Variants in ZBTB20 observed in about 807,000 individuals in gnomAD.
The protein encoded by ZBTB20 is zinc finger and BTB domain containing 20.
In ZBTB20, 9 loss-of-function variants were observed where a neutral mutation model predicts 56.9. The ratio of observed to expected loss-of-function variants is 0.16; its 90% CI spans 0.10 to 0.28. The LOEUF (loss-of-function observed/expected upper bound fraction) is 0.28. ZBTB20 is among the 10% of genes least tolerant of loss of function. ZBTB20 has a pLI of 1.00. For missense variants in ZBTB20, 655 were observed against 1,003.0 expected (o/e 0.65, Z 4.69); for synonymous variants, 417 against 420.7 (o/e 0.99, Z 0.11).
rs71146342 is a variant in ZBTB20, at chr3:114,844,520, CAAAAAAAAAAAAAAAAA to C, written c.-416-43363_-416-43347del. ...TGGTTGACAGAGCAAGTCCCTGTCTCAAAAAAAAAAAAAAAAAAAAAAAAAAAAAAAACTTTCATTTC... is the reference window on the plus strand; with the variant it reads ...TGGTTGACAGAGCAAGTCCCTGTCTCAAAAAAAAAAAAAAACTTTCATTTC... On this transcript the variant is annotated intron_variant, in intron 4 of 11. Transcript: ENST00000675478. 3.2e-3 allele frequency among the ~76,000 whole-genome samples: 73 copies of C among 22,810 alleles called. 5 individuals carry two copies. In the South Asian group the frequency reaches 0.057, roughly 18 times the overall value. 15.0% of individuals were successfully genotyped at this position (22,810 alleles called of 152,430 possible).
intron 4 of ZBTB20, among the ~76,000 whole-genome samples, chr3:114,850,003 T>G (rs532895440): frequency 7.4e-5 from 11 of 149,458 alleles, no homozygotes; most frequent in Non-Finnish European, 1.2e-4. Context: ...GGATTCAAGC[T>G]GTTTTCCTGC....
chr3:114,611,229 C>T (rs1028601744), intron 6 of ZBTB20, among the ~76,000 whole-genome samples: 4 of 152,126 alleles, frequency 2.6e-5, no homozygotes, highest in Non-Finnish European at 4.4e-5. Flanking sequence ...AAGAAGAGTT[C>T]TCTCTATTTT....
At chr3:115,146,957 G>C (rs538550434) in intron 1 of ZBTB20, among the ~76,000 whole-genome samples, 1 of 150,682 alleles carries the variant, frequency 6.6e-6, no homozygotes, top group African/African-American at 2.4e-5. Flanking sequence ...GGCAGCCGCC[G>C]GGCGCTAAGA....
At chr3:114,773,469 G>T (rs1415664770) in intron 5 of ZBTB20, among the ~76,000 whole-genome samples, 1 of 152,082 alleles carries the variant, frequency 6.6e-6, no homozygotes, top group Non-Finnish European at 1.5e-5. Flanking sequence ...CATTTTCCCC[G>T]ATATTCCTTC....
chr3:115,102,453 C>T (rs1576781472), intron 1 of ZBTB20: 1 of 151,912 alleles, frequency 6.6e-6, no homozygotes, highest in Middle Eastern at 3.4e-3. Context: ...ACACATAAAA[C>T]TTAGAGTTTG....
At chr3:115,105,520 C>A (rs955845278) in intron 1 of ZBTB20, among the ~76,000 whole-genome samples, 9 of 152,186 alleles carry the variant, frequency 5.9e-5, no homozygotes, top group Middle Eastern at 3.4e-3. Flanking sequence ...TCTAGTAAGT[C>A]CTGATGATTT....
At chr3:114,970,684 T>C (rs2077838241) in intron 3 of ZBTB20, among the ~76,000 whole-genome samples, 1 of 152,164 alleles carries the variant, frequency 6.6e-6, no homozygotes, top group Non-Finnish European at 1.5e-5. Context: ...AAGGTCACAA[T>C]CAATTACTTG....
chr3:114,874,595 C>T (rs2076124876), intron 4 of ZBTB20, among the ~76,000 whole-genome samples: 1 of 152,192 alleles, frequency 6.6e-6, no homozygotes, highest in African/African-American at 2.4e-5. Context: ...TCAATAGAGA[C>T]CACTGCCAGC....
chr3:114,669,203 C>T (rs1422415824), intron 6 of ZBTB20, among the ~76,000 whole-genome samples: 1 of 152,030 alleles, frequency 6.6e-6, no homozygotes, highest in African/African-American at 2.4e-5. Flanking sequence ...GAACAGACAT[C>T]TACCCTGCAT....
intron 3 of ZBTB20, chr3:114,930,724 A>T (rs2076327375): frequency 4.4e-6 from 1 of 228,880 alleles, no homozygotes; most frequent in South Asian, 6.7e-5. Context: ...AAATGGTTTC[A>T]TCTATGCGAA....
At chr3:114,840,494 C>G (rs994419183) in intron 4 of ZBTB20, among the ~76,000 whole-genome samples, 2 of 152,158 alleles carry the variant, frequency 1.3e-5, no homozygotes, top group Admixed American at 6.5e-5. Flanking sequence ...TCAGTCTGTT[C>G]TTTTACTGTC....
chr3:114,384,390 T>C (rs2084825478), intron 8 of ZBTB20, among the ~76,000 whole-genome samples: 14 of 151,650 alleles, frequency 9.2e-5, no homozygotes, highest in Admixed American at 9.2e-4. Context: ...GGGTGTACCC[T>C]GAACACTTCC....
chr3:114,736,512 G>C (rs751792766), intron 5 of ZBTB20, among the ~76,000 whole-genome samples: 4 of 152,122 alleles, frequency 2.6e-5, no homozygotes, highest in Non-Finnish European at 4.4e-5. Flanking sequence ...TAGGATTGTA[G>C]GCGTTCATTT....
chr3:114,700,673 ACT>A (rs1314250075), intron 5 of ZBTB20, among the ~76,000 whole-genome samples: 1 of 152,130 alleles, frequency 6.6e-6, no homozygotes, highest in Non-Finnish European at 1.5e-5. Flanking sequence ...ATGTGGTCAA[ACT>A]CTCTCAATTC....
At chr3:114,837,258 T>C (rs2074167541) in intron 4 of ZBTB20, among the ~76,000 whole-genome samples, 1 of 152,232 alleles carries the variant, frequency 6.6e-6, no homozygotes, top group Non-Finnish European at 1.5e-5. Context: ...ACATCCTGTA[T>C]GTATGTGAGT....
At chr3:114,459,583 G>T (rs2092227854) in intron 7 of ZBTB20, among the ~76,000 whole-genome samples, 2 of 151,988 alleles carry the variant, frequency 1.3e-5, no homozygotes, top group African/African-American at 4.8e-5. Flanking sequence ...GGTGGTAGAT[G>T]ATCTCCCAGA....
chr3:114,714,084 T>C (rs978032506), intron 5 of ZBTB20: 4 of 152,648 alleles, frequency 2.6e-5, no homozygotes, highest in African/African-American at 9.6e-5. Flanking sequence ...CACTCTAATA[T>C]ACTACTACTA....
chr3:114,658,087 G>A (rs2060512549), intron 6 of ZBTB20, among the ~76,000 whole-genome samples: 1 of 152,114 alleles, frequency 6.6e-6, no homozygotes, highest in Non-Finnish European at 1.5e-5. Context: ...TAGTGCCCTA[G>A]GAAAGTGCTA....
At chr3:114,605,527 T>G (rs2057076768) in intron 6 of ZBTB20, among the ~76,000 whole-genome samples, 1 of 152,218 alleles carries the variant, frequency 6.6e-6, no homozygotes, top group Non-Finnish European at 1.5e-5. Context: ...ATGTTCTGTG[T>G]ATTTCGCTAA....
Sources: gnomAD v4.1 joint callset for allele counts (sites outside exome capture counted in the v4.1 genomes callset) on GRCh38, gnomAD v4.1.1 for gene constraint, MANE v1.5 for transcripts, NCBI Gene and HGNC (gene_info 2026-07-23, HGNC 2026-07-21) for gene names.